Variants in AGBL4 observed in about 807,000 individuals in gnomAD.
The protein encoded by AGBL4 is AGBL carboxypeptidase 4.
AGBL4 carries 58 observed loss-of-function variants against 66.4 expected under a neutral mutation model. The observed-to-expected ratio is 0.87, with a 90% CI of 0.71 to 1.09. AGBL4 has a LOEUF of 1.09. Ranked by LOEUF, AGBL4 falls within the 50% of genes least tolerant of loss-of-function variation. The probability of loss-of-function intolerance (pLI) is 0.00; values close to 1 mark genes in which losing one functional copy is unlikely to be tolerated. For missense variants in AGBL4, 579 were observed against 631.0 expected, an observed-to-expected ratio of 0.92 and a Z score of 0.88; for synonymous variants, 234 against 222.9, an observed-to-expected ratio of 1.05 and a Z score of -0.44.
chr1:48,994,020 T>C (rs1407725103), intron 5 of AGBL4, among the ~76,000 whole-genome samples: 1 of 152,046 alleles, frequency 6.6e-6, no homozygotes, highest in Admixed American at 6.5e-5. Flanking sequence ...TTAAATTTGG[T>C]GTTCCTGAAG....
intron 6 of AGBL4, among the ~76,000 whole-genome samples, chr1:48,865,133 G>A (rs933212031): frequency 3.3e-5 from 5 of 152,000 alleles, no homozygotes; most frequent in East Asian, 3.9e-4. Flanking sequence ...TACTGGCAGC[G>A]CAAGAAAGGT....
intron 5 of AGBL4, among the ~76,000 whole-genome samples, chr1:48,964,123 CAA>C (rs2148944293): frequency 6.6e-6 from 1 of 152,256 alleles, no homozygotes; most frequent in Non-Finnish European, 1.5e-5. Context: ...ATGCTACAAG[CAA>C]AAGAGTGACA....
chr1:49,984,537 T>C (rs1299415189), intron 1 of AGBL4, among the ~76,000 whole-genome samples: 1 of 152,190 alleles, frequency 6.6e-6, no homozygotes, highest in African/African-American at 2.4e-5. Flanking sequence ...AACATGTATA[T>C]TTAGCCAAAT....
intron 8 of AGBL4, among the ~76,000 whole-genome samples, chr1:48,644,527 G>C (rs1230033278): frequency 2.0e-5 from 3 of 152,142 alleles, no homozygotes; most frequent in South Asian, 4.1e-4. Context: ...GGATGGGTTG[G>C]TGACTTGGGA....
Position 48,587,085 on chromosome 1 carries a change from A to G in AGBL4, c.1186T>C (p.Tyr396His). The G allele has an allele frequency of 6.3e-7, 1 of 1,599,188 alleles. No homozygotes were observed. Among genetic ancestry groups the G allele is most frequent in the Non-Finnish European group, 8.5e-7 (1 of 1,173,094 alleles). The change falls in exon 11 of 14, where the codon TAT becomes CAT. Residue 396 changes from tyrosine to histidine, a missense_variant. Coordinates refer to ENST00000371839, the MANE Select transcript of AGBL4 (RefSeq NM_032785.4). ...AAGGAGACCTCTAGGGTGTAGCAAT[A>G]GGAAGTGTGGTCCAGGAGTCCACCG... The part of the protein sequence containing the change: ...FLGGLLDHTS[Y>H]CYTLEVSFYS...
chr1:48,727,865 G>C (rs1557909334), intron 6 of AGBL4: 2 of 1,594,016 alleles, frequency 1.3e-6, no homozygotes, highest in Non-Finnish European at 1.7e-6. Context: ...AAACACGAAA[G>C]CTTTATGAAA....
intron 3 of AGBL4, among the ~76,000 whole-genome samples, chr1:49,354,220 C>T (rs1643971036): frequency 6.6e-6 from 1 of 152,236 alleles, no homozygotes; most frequent in South Asian, 2.1e-4. Flanking sequence ...TTTGAGCAAG[C>T]AGTGTCTGAA....
chr1:49,053,504 G>A (rs1313074405), intron 4 of AGBL4, among the ~76,000 whole-genome samples: 1 of 152,066 alleles, frequency 6.6e-6, no homozygotes, highest in African/African-American at 2.4e-5. Context: ...CAAGATACAT[G>A]GAGCCTCCAG....
intron 3 of AGBL4, among the ~76,000 whole-genome samples, chr1:49,465,095 G>A (rs1362718258): frequency 6.6e-6 from 1 of 151,568 alleles, no homozygotes; most frequent in Non-Finnish European, 1.5e-5. Flanking sequence ...CAGGCCCTGG[G>A]TGAGGTACAT....
At chr1:49,708,825 T>C (rs1647405225) in intron 2 of AGBL4, among the ~76,000 whole-genome samples, 1 of 152,188 alleles carries the variant, frequency 6.6e-6, no homozygotes, top group Non-Finnish European at 1.5e-5. Context: ...TCTGAAGCTC[T>C]GCTTGAGTAT....
At position 48,822,005 on chromosome 1, in the gene AGBL4, A is replaced by T. The variant is rs982583439; in HGVS notation, c.634+45186T>A. ...TGTTAGGGAAATGCAAATTAAAGCCATAAGGAAATACTACTAAACACTCAC... is the reference window on the plus strand; with the variant it reads ...TGTTAGGGAAATGCAAATTAAAGCCTTAAGGAAATACTACTAAACACTCAC... On this transcript the variant is annotated intron_variant, in intron 6 of 13. Transcript: ENST00000371839. Among the ~76,000 whole-genome samples the T allele has an allele frequency of 3.9e-5, 6 of 152,228 alleles. No individual in the cohort carries two copies. In the East Asian group the frequency reaches 1.2e-3, roughly 29 times the overall value.
At chr1:49,181,141 C>G (rs1646924126) in intron 4 of AGBL4, among the ~76,000 whole-genome samples, 1 of 152,102 alleles carries the variant, frequency 6.6e-6, no homozygotes, top group South Asian at 2.1e-4. Context: ...ACAAACCAAG[C>G]TGTCCTCCTC....
At chr1:49,997,497 G>T (rs1281181089) in intron 1 of AGBL4, among the ~76,000 whole-genome samples, 1 of 151,996 alleles carries the variant, frequency 6.6e-6, no homozygotes. Flanking sequence ...CTATTGTAAT[G>T]GGAAAATATC....
intron 1 of AGBL4, among the ~76,000 whole-genome samples, chr1:49,964,783 G>GA (rs1390741259): frequency 6.6e-6 from 1 of 151,962 alleles, no homozygotes; most frequent in Non-Finnish European, 1.5e-5. Flanking sequence ...AATGTTTCTA[G>GA]AAAAAAGTCC....
chr1:49,483,587 T>C (rs1193558575), intron 3 of AGBL4, among the ~76,000 whole-genome samples: 1 of 151,826 alleles, frequency 6.6e-6, no homozygotes, highest in Non-Finnish European at 1.5e-5. Context: ...TCTCACCACA[T>C]ACAAAAATCA....
chr1:48,887,494 T>C (rs193235286), intron 5 of AGBL4, among the ~76,000 whole-genome samples: 1 of 152,126 alleles, frequency 6.6e-6, no homozygotes, highest in East Asian at 1.9e-4. Context: ...CCCAGGGCTG[T>C]GTGAGGTATT....
At chr1:49,069,228 T>G (rs1427809543) in intron 4 of AGBL4, among the ~76,000 whole-genome samples, 1 of 152,246 alleles carries the variant, frequency 6.6e-6, no homozygotes, top group African/African-American at 2.4e-5. Flanking sequence ...AGAAGCTCTT[T>G]TGTTTAATTA....
rs1398781316 is a variant in AGBL4 at position 48,581,954 on chromosome 1, G to A, written c.1267+5050C>T. Among the ~76,000 whole-genome samples, 4 of 152,208 alleles carry A rather than the reference G, an allele frequency of 2.6e-5. 1 individual carries two copies. The highest frequency in any genetic ancestry group is 1.3e-4 in the Admixed American group (2 of 15,284). On this transcript the variant is annotated intron_variant, in intron 11 of 13. Coordinates refer to ENST00000371839, the MANE Select transcript of AGBL4 (RefSeq NM_032785.4). ...ACAGGAGAGAGGCCAAGAGGCCACC[G>A]GCCATGGCAGAAGCCTCTGAGGATG... is the stretch of plus-strand genomic sequence containing the variant.
At chr1:48,728,410 T>A (rs1647538342) in intron 6 of AGBL4, among the ~76,000 whole-genome samples, 1 of 151,760 alleles carries the variant, frequency 6.6e-6, no homozygotes, top group Non-Finnish European at 1.5e-5. Context: ...CATGTATGTA[T>A]CCTTAAATAA....
Sources: gnomAD v4.1 joint callset for allele counts (sites outside exome capture counted in the v4.1 genomes callset) on GRCh38, gnomAD v4.1.1 for gene constraint, MANE v1.5 for transcripts, NCBI Gene and HGNC (gene_info 2026-07-23, HGNC 2026-07-21) for gene names.